The following IVNS1ABP variants were observed in gnomAD, a reference collection of about 807,000 sequenced individuals.
The protein encoded by IVNS1ABP is influenza virus NS1A binding protein.
A neutral mutation model predicts 78.9 loss-of-function variants in IVNS1ABP; 25 were observed. The observed-to-expected ratio is 0.32, with a 90% CI of 0.23 to 0.44. The LOEUF is 0.44. Ranked by LOEUF, IVNS1ABP falls within the 20% of genes least tolerant of loss-of-function variation. IVNS1ABP has a pLI of 1.00. For missense variants in IVNS1ABP, 494 were observed against 768.9 expected, an observed-to-expected ratio of 0.64 and a Z score of 4.23; for synonymous variants, 241 against 259.7, an observed-to-expected ratio of 0.93 and a Z score of 0.69.
chr1:185,306,776 TA>T, intron 7 of IVNS1ABP: 1 of 663,682 alleles, frequency 1.5e-6, no homozygotes, highest in Non-Finnish European at 2.2e-6. Flanking sequence ...CATGCTACTT[TA>T]AAGAAAGTTA....
At chr1:185,307,239 T>C in intron 6 of IVNS1ABP, 100 bp from the exon 7 acceptor site, 1 of 1,367,492 alleles carries the variant, frequency 7.3e-7, no homozygotes, top group Non-Finnish European at 1.0e-6. Context: ...GCACAATTCA[T>C]TCCATACATT....
At chr1:185,309,332 T>C (rs1189873390) in intron 3 of IVNS1ABP, 51 bp downstream of exon 3, 11 of 1,334,914 alleles carry the variant, frequency 8.2e-6, no homozygotes, top group East Asian at 2.4e-5. Context: ...TAAGAACTTA[T>C]GGCTTTTAGT....
chr1:185,315,760 G>A (rs1666000143), intron 1 of IVNS1ABP, among the ~76,000 whole-genome samples: 1 of 152,142 alleles, frequency 6.6e-6, no homozygotes, highest in African/African-American at 2.4e-5. Context: ...TTAAAAGAAA[G>A]CATGGCCTGT....
chr1:185,297,954 C>T lies in IVNS1ABP; in HGVS notation c.*81G>A. The T allele has an allele frequency of 7.2e-7, 1 of 1,382,074 alleles. No individual in the cohort carries two copies. The highest frequency in any genetic ancestry group is 1.0e-6 in the Non-Finnish European group (1 of 997,962). The allele number at this position is 1,382,074 out of a possible 1,614,324, so 85.6% of individuals were successfully genotyped here. A position where few individuals can be genotyped will look rare whatever the true frequency, so the allele number is the denominator to read the frequency against. ...GCTGTTAGCAACATCTATACCCACC[C>T]ACCCTCTTTATTCACAAGTGTACCT... On this transcript the variant is annotated 3_prime_UTR_variant, in exon 15 of 15. Transcript: ENST00000367498.
In IVNS1ABP at chr1:185,312,575, A is replaced by G. The variant is rs1665916214; in HGVS notation, c.-246-1253T>C. ...GTGTCCTAACAGGTCTCTCTGTAAC[A>G]GGTTTCATTTCAAGGAAACCCAATA... On this transcript the variant is annotated intron_variant, in intron 1 of 14. Transcript: ENST00000367498. 2.0e-5 allele frequency among the ~76,000 whole-genome samples: 3 copies of G among 152,196 alleles called. 1 individual carries two copies. The South Asian group carries it at 6.2e-4, about 31-fold the overall frequency.
chr1:185,301,317 A>T, intron 9 of IVNS1ABP, 117 bp downstream of exon 9: 1 of 1,456,804 alleles, frequency 6.9e-7, no homozygotes, highest in Middle Eastern at 2.0e-4. Context: ...CGTTTTCCAA[A>T]TTTAATTGCT....
Position 185,298,330 on chromosome 1 carries a change from G to T in IVNS1ABP, c.1676-42C>A. On this transcript the variant is annotated intron_variant, in intron 14 of 14. Coordinates refer to ENST00000367498, the MANE Select transcript of IVNS1ABP (RefSeq NM_006469.5). This position sits in a 1 kb window ranked among gnomAD's most constrained non-coding sequence, Gnocchi z 4.1. The stretch of plus-strand genomic sequence containing the variant: ...ATGGGGTAAATCCAGAGATTAAAGT[G>T]TAATAAGGTAAAACTCCCCTAAATC... The T allele has an allele frequency of 6.4e-7, 1 of 1,574,160 alleles. No individual in the cohort carries two copies. The highest frequency in any genetic ancestry group is 8.7e-7 in the Non-Finnish European group (1 of 1,153,074).
At chr1:185,300,172 TATC>T in intron 12 of IVNS1ABP, 42 bp from the exon 13 acceptor site, 4 of 1,604,392 alleles carry the variant, frequency 2.5e-6, no homozygotes, top group Non-Finnish European at 3.4e-6. Context: ...ATAATTTAAT[TATC>T]ATATTTAAAT....
In IVNS1ABP at chr1:185,298,224, A is replaced by T; in HGVS notation, c.1740T>A (p.Asp580Glu). The change falls in exon 15 of 15, where the codon GAT becomes GAA. Residue 580 changes from aspartate to glutamate, a missense_variant. Transcript: ENST00000367498. The surrounding 1 kb of genome is among the most constrained non-coding windows in gnomAD (Gnocchi z 4.1). ...TCATCTTCCATTCATTTCTAGTTGG[A>T]TCATACATTTCCACACAACTGATGG... ...SHAISCVEMY[D>E]PTRNEWKMMG... 1.2e-6 allele frequency: 2 copies of T among 1,613,684 alleles called. No individual in the cohort carries two copies. Among genetic ancestry groups the T allele is most frequent in the Non-Finnish European group, 1.7e-6 (2 of 1,179,776 alleles).
chr1:185,297,176 AG>A lies in IVNS1ABP; in HGVS notation c.*858del, dbSNP rs1419006337. 1 of 152,202 alleles carries A rather than the reference AG, an allele frequency of 6.6e-6. No individual in the cohort carries two copies. Among genetic ancestry groups the A allele is most frequent in the Non-Finnish European group, 1.5e-5 (1 of 68,020 alleles). 9.4% of individuals were successfully genotyped at this position (152,202 alleles called of 1,614,324 possible). A position where few individuals can be genotyped will look rare whatever the true frequency, so the allele number is the denominator to read the frequency against. On this transcript the variant is annotated 3_prime_UTR_variant, in exon 15 of 15. Coordinates refer to ENST00000367498, the MANE Select transcript of IVNS1ABP (RefSeq NM_006469.5). ...TTAATAATAAAAACAGGAATTATAT[AG>A]AAGATAAAACACCATTTTTTACTGC... is the stretch of plus-strand genomic sequence containing the variant.
intron 1 of IVNS1ABP, among the ~76,000 whole-genome samples, chr1:185,314,941 TATG>T (rs1462665743): frequency 7.9e-5 from 12 of 152,192 alleles, no homozygotes; most frequent in African/African-American, 2.9e-4. Context: ...AATATAATAG[TATG>T]ATGTTAAGTA....
At position 185,307,236 on chromosome 1, in the gene IVNS1ABP, T is replaced by C. The variant is rs979532027; in HGVS notation, c.532-97A>G. The C allele has an allele frequency of 2.1e-6, 3 of 1,398,850 alleles. No individual in the cohort carries two copies. In the East Asian group the frequency reaches 6.9e-5, roughly 32 times the overall value. The allele number at this position is 1,398,850 out of a possible 1,614,324, so 86.7% of individuals were successfully genotyped here. On this transcript the variant is annotated intron_variant, in intron 6 of 14. Transcript: ENST00000367498. ...AATAAAGTTGTCACAGATGCACAAT[T>C]CATTCCATACATTTACTCTAATTTG...
At position 185,297,812 on chromosome 1, in the gene IVNS1ABP, T is replaced by C. The variant is rs550043768; in HGVS notation, c.*223A>G. The C allele has an allele frequency of 2.1e-4, 107 of 517,186 alleles. No individual in the cohort carries two copies. The highest frequency in any genetic ancestry group is 1.8e-3 in the African/African-American group (94 of 52,164). 32.0% of individuals were successfully genotyped at this position (517,186 alleles called of 1,614,324 possible). ...GTTTATTCTTTTCCAAAAAGTAAAA[T>C]AACCAAAGTCTTAAAAGTACACAAA... On this transcript the variant is annotated 3_prime_UTR_variant, in exon 15 of 15. Transcript: ENST00000367498.
intron 8 of IVNS1ABP, 56 bp from the exon 9 acceptor site, chr1:185,301,619 C>T: frequency 6.2e-7 from 1 of 1,601,896 alleles, no homozygotes; most frequent in Non-Finnish European, 8.5e-7. Context: ...TCTGATGTAC[C>T]TTTGTTCCTG....
chr1:185,306,872 CT>C (rs528283159), intron 7 of IVNS1ABP, 141 bp downstream of exon 7: 146 of 891,054 alleles, frequency 1.6e-4, no homozygotes, highest in East Asian at 1.6e-3. Flanking sequence ...GACACCCCCC[CT>C]GTTTCTCAGC....
At chr1:185,315,887 A>C (rs1429634669) in intron 1 of IVNS1ABP, among the ~76,000 whole-genome samples, 10 of 152,208 alleles carry the variant, frequency 6.6e-5, no homozygotes, top group Admixed American at 6.5e-4. Context: ...CTTGATGCCA[A>C]GGTGTTCTAA....
chr1:185,304,924 TTA>T (rs1558116959), intron 8 of IVNS1ABP, among the ~76,000 whole-genome samples: 1 of 152,156 alleles, frequency 6.6e-6, no homozygotes, highest in Non-Finnish European at 1.5e-5. Flanking sequence ...GTCTGAATAA[TTA>T]TGTGTTTACT....
At chr1:185,300,647 A>T (rs1665551193) in intron 10 of IVNS1ABP, 89 bp from the exon 11 acceptor site, 1 of 1,362,776 alleles carries the variant, frequency 7.3e-7, no homozygotes. Flanking sequence ...AAATCTGCAC[A>T]ATGAGAAAAA....
chr1:185,304,124 A>G (rs922122168), intron 8 of IVNS1ABP, among the ~76,000 whole-genome samples: 5 of 152,034 alleles, frequency 3.3e-5, no homozygotes, highest in East Asian at 1.9e-4. Flanking sequence ...CTTGTGTGAA[A>G]TATCCCTGGC....
Sources: gnomAD v4.1 joint callset for allele counts (sites outside exome capture counted in the v4.1 genomes callset) on GRCh38, gnomAD v4.1.1 for gene constraint, Gnocchi (gnomAD v3.1) non-coding constraint, MANE v1.5 for transcripts, NCBI Gene and HGNC (gene_info 2026-07-23, HGNC 2026-07-21) for gene names.